Variants in EXD3 observed in about 807,000 individuals in gnomAD.
EXD3 encodes exonuclease 3'-5' domain containing 3.
A neutral mutation model predicts 98.0 loss-of-function variants in EXD3; 92 were observed. That is an observed-to-expected ratio of 0.94 (90% CI 0.79 to 1.12). EXD3 has a LOEUF of 1.12. Among genes scored for constraint, EXD3 ranks in the 50% most tolerant of loss-of-function variants. The probability of loss-of-function intolerance (pLI) is 0.00; values close to 1 mark genes in which losing one functional copy is unlikely to be tolerated. For missense variants in EXD3, 1,222 were observed against 1,191.6 expected, an observed-to-expected ratio of 1.03 and a Z score of -0.38; for synonymous variants, 569 against 526.0, an observed-to-expected ratio of 1.08 and a Z score of -1.12.
chr9:137,314,712 CACAG>C (rs1323301888), intron 19 of EXD3, among the ~76,000 whole-genome samples: 1 of 152,170 alleles, frequency 6.6e-6, no homozygotes, highest in Non-Finnish European at 1.5e-5. Context: ...ACAATGTCTC[CACAG>C]ACAGTGTGGG....
chr9:137,399,111 A>AGGTG (rs1357962440), intron 1 of EXD3, among the ~76,000 whole-genome samples: 149 of 152,336 alleles, frequency 9.8e-4, no homozygotes, highest in African/African-American at 3.5e-3. Flanking sequence ...CCTCCACTGG[A>AGGTG]AGCCTGGCTG....
intron 3 of EXD3, among the ~76,000 whole-genome samples, chr9:137,375,841 A>G (rs78190218): frequency 0.01 from 1,560 of 152,288 alleles, 27 homozygotes; most frequent in African/African-American, 0.034. Flanking sequence ...ATGAGCTCAC[A>G]ATGAAAACTT....
intron 1 of EXD3, among the ~76,000 whole-genome samples, chr9:137,413,588 C>A (rs1291158512): frequency 2.0e-5 from 3 of 150,718 alleles, no homozygotes; most frequent in Non-Finnish European, 4.4e-5. Flanking sequence ...TCACTGTAAC[C>A]GCCTCCTGGC....
intron 1 of EXD3, among the ~76,000 whole-genome samples, chr9:137,419,988 T>A (rs1400666422): frequency 2.6e-5 from 4 of 151,896 alleles, no homozygotes; most frequent in African/African-American, 4.8e-5. Flanking sequence ...TGAAACCCCA[T>A]CTCTACTAAA....
At chr9:137,332,638 T>G (rs535921579) in intron 17 of EXD3, among the ~76,000 whole-genome samples, 2 of 151,708 alleles carry the variant, frequency 1.3e-5, no homozygotes, top group East Asian at 1.9e-4. Context: ...GGTCAGGAGA[T>G]CGAGACCATC....
rs917597749 is a variant in EXD3, at chr9:137,407,399, C to T, written c.-47-11995G>A. On this transcript the variant is annotated intron_variant, in intron 1 of 21. Transcript: ENST00000340951. The surrounding 1 kb of genome is among the most constrained non-coding windows in gnomAD (Gnocchi z 4.4). ...GAAGCCCACCCACCTGAGGTCCTGG[C>T]CCCCAAGGGGCCATCTGCCCCCGGC... Among the ~76,000 whole-genome samples, 22 of 152,350 alleles carry T rather than the reference C, an allele frequency of 1.4e-4. No individual in the cohort carries two copies. The highest frequency in any genetic ancestry group is 4.3e-4 in the African/African-American group (18 of 41,584).
Position 137,323,732 on chromosome 9 carries a change from C to A in EXD3, c.2177G>T (p.Arg726Leu), listed in dbSNP as rs150312520. 10 of 1,611,966 alleles carry A rather than the reference C, an allele frequency of 6.2e-6. No individual in the cohort carries two copies. The highest frequency in any genetic ancestry group is 1.7e-4 in the Middle Eastern group (1 of 5,968). ...VRVTHADIFS[R>L]CQACNCDQYL... is the part of the protein sequence containing the mutation. Reference sequence around the variant, plus strand: ...GGGGTGCGCAGGACCCACCTGGCAGCGGCTGAAGATGTCTGCGTGGGTGAC... The same window carrying A: ...GGGGTGCGCAGGACCCACCTGGCAGAGGCTGAAGATGTCTGCGTGGGTGAC... Residue 726 changes from arginine to leucine, a missense_variant, in exon 19 of 22, where the codon CGC becomes CTC. By Grantham distance (102) the Arg-to-Leu change is moderately radical (BLOSUM62 -2). Coordinates refer to ENST00000340951, the MANE Select transcript of EXD3 (RefSeq NM_017820.5).
chr9:137,354,973 C>T (rs866274385), intron 8 of EXD3, among the ~76,000 whole-genome samples, 200 bp from the exon 9 acceptor site: 11 of 152,326 alleles, frequency 7.2e-5, no homozygotes, highest in Middle Eastern at 6.8e-3. Context: ...CCGCCGGCCC[C>T]GGGGTCTCCC....
At chr9:137,337,151 A>G (rs2119170390) in intron 17 of EXD3, among the ~76,000 whole-genome samples, 1 of 152,344 alleles carries the variant, frequency 6.6e-6, no homozygotes, top group Admixed American at 6.5e-5. Flanking sequence ...CTGGAGTCAA[A>G]GAGGTTCACC....
chr9:137,366,009 C>T (rs1384698523), intron 7 of EXD3: 1 of 603,676 alleles, frequency 1.7e-6, no homozygotes, highest in Non-Finnish European at 3.1e-6. Flanking sequence ...GGCACACATG[C>T]ACATGGGCAC....
chr9:137,417,095 G>A lies in EXD3; in HGVS notation c.-48+6019C>T, dbSNP rs543283572. On this transcript the variant is annotated intron_variant, in intron 1 of 21. Transcript: ENST00000340951. ...GGAGAGGGCGACCCTCGTGACGACC[G>A]AGCTCCCGGGCAAAGCCGGGGCCGC... Among the ~76,000 whole-genome samples the A allele has an allele frequency of 5.3e-5, 8 of 152,324 alleles. No homozygotes were observed. In the South Asian group the frequency reaches 1.4e-3, roughly 28 times the overall value.
chr9:137,310,640 G>A (rs553483297), intron 19 of EXD3, among the ~76,000 whole-genome samples: 2 of 152,306 alleles, frequency 1.3e-5, no homozygotes, highest in African/African-American at 4.8e-5. Context: ...GACTTGGAGC[G>A]GGGTGCACGG....
Position 137,307,151 on chromosome 9 carries a change from C to A in EXD3, c.2430G>T (p.Arg810=), listed in dbSNP as rs111790802. The A allele has an allele frequency of 6.3e-7, 1 of 1,593,602 alleles. No individual in the cohort carries two copies. Among genetic ancestry groups the A allele is most frequent in the Non-Finnish European group, 8.5e-7 (1 of 1,171,272 alleles). Residue 810 remains arginine (R), a synonymous_variant, in exon 22 of 22, where the codon CGG becomes CGT. Transcript: ENST00000340951. ...CCACCGGGACCCCTGCCAGCTGCAG[C>A]CGGGTGCCGTCGGCCAGCATGTCCG... ...ETPDMLADGT[R]LQLAGVPVGV... is the part of the protein sequence containing the mutation.
At chr9:137,327,604 A>G (rs893264567) in intron 17 of EXD3, among the ~76,000 whole-genome samples, 1 of 152,102 alleles carries the variant, frequency 6.6e-6, no homozygotes, top group Non-Finnish European at 1.5e-5. Context: ...GGGAAACAGA[A>G]AGTAGTTACT....
chr9:137,356,162 T>G (rs1435165630), intron 8 of EXD3, 106 bp downstream of exon 8: 4 of 830,162 alleles, frequency 4.8e-6, no homozygotes, highest in Non-Finnish European at 7.6e-6. Flanking sequence ...AGGTTGGTCT[T>G]GGTTGGCACC....
intron 7 of EXD3, 125 bp downstream of exon 7, chr9:137,366,368 C>T (rs1047092594): frequency 2.2e-6 from 3 of 1,388,812 alleles, no homozygotes; most frequent in Admixed American, 4.0e-5. Flanking sequence ...GCAGCTGTGA[C>T]CCAAACACCA....
At chr9:137,397,105 C>T (rs1016770799) in intron 1 of EXD3, among the ~76,000 whole-genome samples, 12 of 152,222 alleles carry the variant, frequency 7.9e-5, no homozygotes, top group Non-Finnish European at 1.2e-4. Context: ...CCAGAGGCCA[C>T]ACAGCGCCTG....
At chr9:137,329,311 T>C (rs1832783119) in intron 17 of EXD3, among the ~76,000 whole-genome samples, 1 of 19,180 alleles carries the variant, frequency 5.2e-5, no homozygotes, top group Admixed American at 5.9e-4. Flanking sequence ...TACACGGGGC[T>C]ACACGGGACT....
chr9:137,361,732 C>T (rs867862774), intron 7 of EXD3, among the ~76,000 whole-genome samples: 1 of 112,984 alleles, frequency 8.9e-6, no homozygotes, highest in Non-Finnish European at 1.8e-5. Context: ...GGCGACAGGG[C>T]GAGACTCTGT....
Sources: allele counts gnomAD v4.1 joint callset (sites outside exome capture counted in the v4.1 genomes callset), GRCh38; gene constraint gnomAD v4.1.1; non-coding constraint Gnocchi (gnomAD v3.1); transcripts MANE v1.5; gene names NCBI Gene and HGNC (gene_info 2026-07-23, HGNC 2026-07-21).